RECK: variants seen among roughly 807,000 people sequenced by gnomAD.
RECK encodes reversion inducing cysteine rich protein with kazal motifs, also known as reversion-inducing cysteine-rich protein with Kazal motifs.
RECK carries 69 observed loss-of-function variants against 115.1 expected under a neutral mutation model. That is an observed-to-expected ratio of 0.60 (90% confidence interval 0.49 to 0.73). The LOEUF (loss-of-function observed/expected upper bound fraction) is 0.73, where lower values mean the gene tolerates loss of function less well. Ranked by LOEUF, RECK falls within the 30% of genes least tolerant of loss-of-function variation. RECK has a pLI of 0.00. For synonymous variants in RECK, 414 were observed against 419.7 expected, an observed-to-expected ratio of 0.99 and a Z score of 0.17; for missense variants, 1,047 against 1,203.7, an observed-to-expected ratio of 0.87 and a Z score of 1.93.
At chr9:36,078,485 G>A (rs1822546200) in intron 6 of RECK, among the ~76,000 whole-genome samples, 1 of 152,200 alleles carries the variant, frequency 6.6e-6, no homozygotes, top group Non-Finnish European at 1.5e-5. Context: ...AGACTGTCCT[G>A]TGCAGTGTAG....
chr9:36,075,246 T>C (rs1822403670), intron 6 of RECK, among the ~76,000 whole-genome samples: 1 of 152,218 alleles, frequency 6.6e-6, no homozygotes, highest in Non-Finnish European at 1.5e-5. Flanking sequence ...GCCATTACTG[T>C]AGTCAGTTCA....
In RECK at chr9:36,123,558, A is replaced by G. The variant is rs193004377; in HGVS notation, c.*513A>G. 4 of 152,478 alleles carry G rather than the reference A, an allele frequency of 2.6e-5. No individual in the cohort carries two copies. Among genetic ancestry groups the G allele is most frequent in the Admixed American group, 1.3e-4 (2 of 15,320 alleles). The allele number at this position is 152,478 out of a possible 1,614,324, so 9.4% of individuals were successfully genotyped here. A position where few individuals can be genotyped will look rare whatever the true frequency, so the allele number is the denominator to read the frequency against. On this transcript the variant is annotated 3_prime_UTR_variant, in exon 21 of 21. Transcript: ENST00000377966. ...GAAACATAGATAAAACATCTTTGAA[A>G]TTATGTAAATTATGTAAATTATCAG...
At chr9:36,065,331 A>G (rs1225274080) in intron 5 of RECK, among the ~76,000 whole-genome samples, 1 of 152,046 alleles carries the variant, frequency 6.6e-6, no homozygotes. Flanking sequence ...ATGTGAAATT[A>G]AAGCCATAAA....
At chr9:36,109,923 A>T (rs372299298) in intron 14 of RECK, 34 bp from the exon 15 acceptor site, 468 of 1,575,160 alleles carry the variant, frequency 3.0e-4, no homozygotes, top group Non-Finnish European at 3.8e-4. Flanking sequence ...TCAATGCATG[A>T]TATAGATCAA....
At chr9:36,105,389 G>T (rs1178298436) in intron 13 of RECK, 106 bp downstream of exon 13, 6 of 1,067,978 alleles carry the variant, frequency 5.6e-6, no homozygotes, top group South Asian at 1.6e-5. Flanking sequence ...TAATATAGGG[G>T]TTATCTTCGG....
At chr9:36,117,562 T>C (rs148656262) in intron 17 of RECK, among the ~76,000 whole-genome samples, 1 of 152,350 alleles carries the variant, frequency 6.6e-6, no homozygotes, top group East Asian at 1.9e-4. Context: ...TTTCCCACTC[T>C]TCCCACATCA....
At chr9:36,105,100 A>C in intron 12 of RECK, 43 bp from the exon 13 acceptor site, 4 of 1,547,224 alleles carry the variant, frequency 2.6e-6, no homozygotes, top group Non-Finnish European at 3.5e-6. Context: ...GTTTTCTCTT[A>C]CTCTTTTAGG....
intron 6 of RECK, among the ~76,000 whole-genome samples, chr9:36,075,455 A>G (rs1472620298): frequency 6.6e-6 from 1 of 152,218 alleles, no homozygotes. Flanking sequence ...GAAATGACAC[A>G]TTATTTGGAA....
At chr9:36,075,170 A>G (rs548314424) in intron 6 of RECK, among the ~76,000 whole-genome samples, 1 of 152,392 alleles carries the variant, frequency 6.6e-6, no homozygotes, top group East Asian at 1.9e-4. Flanking sequence ...AAAGCAAGGC[A>G]AGTCACATGG....
intron 1 of RECK, among the ~76,000 whole-genome samples, chr9:36,043,731 A>G (rs561869133): frequency 5.9e-5 from 9 of 152,276 alleles, no homozygotes; most frequent in South Asian, 2.1e-4. Context: ...TCATTCTTCT[A>G]CATACAGTTT....
rs1368289279 is a variant in RECK, at chr9:36,110,063, C to A, written c.1872C>A (p.Asp624Glu). 5 of 1,608,732 alleles carry A rather than the reference C, an allele frequency of 3.1e-6. No individual in the cohort carries two copies. The highest frequency in any genetic ancestry group is 4.3e-6 in the Non-Finnish European group (5 of 1,175,518). The stretch of plus-strand genomic sequence containing the variant: ...TCAGTGAGCACAGTTCAGAAGATGA[C>A]CGTCGTACCTTCACAGGTGACTGTG... ...LCLSEHSSED[D>E]RRTFTGLPCN... Residue 624 changes from aspartate (D) to glutamate (E), a missense_variant, in exon 15 of 21, where the codon GAC becomes GAA. By Grantham distance (45) the Asp-to-Glu change is conservative. Coordinates refer to ENST00000377966, the MANE Select transcript of RECK (RefSeq NM_021111.3).
intron 1 of RECK, among the ~76,000 whole-genome samples, chr9:36,039,473 C>A (rs1247499789): frequency 2.6e-5 from 4 of 152,054 alleles, no homozygotes; most frequent in African/African-American, 9.7e-5. Context: ...GGTTATTGAC[C>A]CCCTCTATTA....
chr9:36,084,249 T>C (rs1306166544), intron 8 of RECK, among the ~76,000 whole-genome samples: 1 of 151,576 alleles, frequency 6.6e-6, no homozygotes, highest in East Asian at 1.9e-4. Context: ...ATACAGAAAT[T>C]AGCCAGGTTC....
chr9:36,114,480 T>A (rs1176826381), intron 16 of RECK, among the ~76,000 whole-genome samples: 3 of 152,140 alleles, frequency 2.0e-5, no homozygotes, highest in Non-Finnish European at 4.4e-5. Context: ...TGGAGGGCAG[T>A]TTGGCCAAAT....
intron 6 of RECK, 36 bp downstream of exon 6, chr9:36,065,660 TC>T: frequency 7.0e-7 from 1 of 1,433,694 alleles, no homozygotes; most frequent in South Asian, 1.5e-5. Context: ...GATAGCCTAT[TC>T]AGATGTTATC....
chr9:36,084,223 C>A (rs1293934435), intron 8 of RECK, among the ~76,000 whole-genome samples: 1 of 151,776 alleles, frequency 6.6e-6, no homozygotes, highest in Non-Finnish European at 1.5e-5. Context: ...ATGGTGAAAC[C>A]CCATCTCTAC....
chr9:36,090,632 A>C (rs1407956179), intron 9 of RECK, among the ~76,000 whole-genome samples: 1 of 152,208 alleles, frequency 6.6e-6, no homozygotes, highest in East Asian at 1.9e-4. Flanking sequence ...TGTGTATTAC[A>C]ATAGTACATA....
chr9:36,105,912 A>G (rs976746373), intron 13 of RECK, among the ~76,000 whole-genome samples: 7 of 152,138 alleles, frequency 4.6e-5, no homozygotes, highest in Admixed American at 3.3e-4. Context: ...TTATCATGTT[A>G]GAATCAAGAT....
At chr9:36,109,107 A>C (rs1823932005) in intron 14 of RECK, among the ~76,000 whole-genome samples, 1 of 152,086 alleles carries the variant, frequency 6.6e-6, no homozygotes, top group South Asian at 2.1e-4. Context: ...TGACTAAACT[A>C]TGAAGGTAGG....
Sources: allele counts gnomAD v4.1 joint callset (sites outside exome capture counted in the v4.1 genomes callset), GRCh38; gene constraint gnomAD v4.1.1; transcripts MANE v1.5; gene names NCBI Gene and HGNC (gene_info 2026-07-23, HGNC 2026-07-21).